TMEM116: variants seen among roughly 807,000 people sequenced by gnomAD.
TMEM116 encodes transmembrane protein 116.
A neutral mutation model predicts 44.3 loss-of-function variants in TMEM116; 38 were observed. The observed-to-expected ratio is 0.86, with a 90% CI of 0.66 to 1.12. The LOEUF is 1.12. Among genes scored for constraint, TMEM116 ranks in the 50% most tolerant of loss-of-function variants. The pLI is 0.00. For synonymous variants in TMEM116, 132 were observed against 144.8 expected, an observed-to-expected ratio of 0.91 and a Z score of 0.64; for missense variants, 354 against 401.7, an observed-to-expected ratio of 0.88 and a Z score of 1.01.
chr12:111,969,223 G>A (rs904972868), intron 4 of TMEM116, among the ~76,000 whole-genome samples: 1 of 150,932 alleles, frequency 6.6e-6, no homozygotes, highest in Non-Finnish European at 1.5e-5. Flanking sequence ...GGGAGGCTGA[G>A]GCAGGAGAAT....
chr12:112,009,534 T>TC (rs1565981388), intron 1 of TMEM116, among the ~76,000 whole-genome samples: 89 of 135,628 alleles, frequency 6.6e-4, no homozygotes, highest in African/African-American at 2.7e-3. Context: ...ATGGGTTTAC[T>TC]TAAAAAAAAA....
Position 111,937,177 on chromosome 12 carries a change from G to A in TMEM116, c.432C>T (p.Asn144=). ...CLGNTSECFQ[N]FSQSHKCILM... is the part of the protein sequence containing the mutation. ...TTACTTACTTGTGGCTCTGACTGAA[G>A]TTTTGGAAACATTCACTAGTATTTC... The change falls in exon 7 of 11, where the codon AAC becomes AAT. Residue 144 remains asparagine, a synonymous_variant. Transcript: ENST00000552374. The A allele has an allele frequency of 6.2e-7, 1 of 1,613,682 alleles. No individual in the cohort carries two copies. Among genetic ancestry groups the A allele is most frequent in the Non-Finnish European group, 8.5e-7 (1 of 1,179,688 alleles).
Position 111,941,491 on chromosome 12 carries a change from A to G in TMEM116, c.315+1774T>C, listed in dbSNP as rs11066096. On this transcript the variant is annotated intron_variant, in intron 5 of 10. Coordinates refer to ENST00000552374, the MANE Select transcript of TMEM116 (RefSeq NM_001193531.2). ...ATAGTAGCTGCATGTGGCTAATTAA[A>G]TTAAAATTAATTAAAATTAAATAAA... Among the ~76,000 whole-genome samples the G allele has an allele frequency of 0.055, 8,425 of 152,240 alleles. 1,296 individuals carry two copies. In the East Asian group the frequency reaches 0.61, roughly 11 times the overall value.
At chr12:112,009,203 T>C (rs377027380) in intron 1 of TMEM116, among the ~76,000 whole-genome samples, 12 of 152,196 alleles carry the variant, frequency 7.9e-5, no homozygotes, top group African/African-American at 1.9e-4. Context: ...AAGAAGGAAC[T>C]GAAGATAAAG....
At chr12:111,943,610 C>T (rs2073035036) in intron 4 of TMEM116, among the ~76,000 whole-genome samples, 1 of 152,204 alleles carries the variant, frequency 6.6e-6, no homozygotes, top group Non-Finnish European at 1.5e-5. Flanking sequence ...TCTCGGCTCA[C>T]TGCAACCTCT....
At chr12:111,933,645 C>T (rs1480723737) in intron 9 of TMEM116, among the ~76,000 whole-genome samples, 4 of 147,848 alleles carry the variant, frequency 2.7e-5, no homozygotes, top group Admixed American at 6.7e-5. Context: ...CCTACCACCA[C>T]GCCCGGCTAA....
At chr12:111,994,918 T>C (rs2076845880) in intron 3 of TMEM116, among the ~76,000 whole-genome samples, 1 of 152,112 alleles carries the variant, frequency 6.6e-6, no homozygotes, top group South Asian at 2.1e-4. Context: ...GCCCCTCATG[T>C]GTCTATTTAT....
chr12:111,943,337 G>A lies in TMEM116; in HGVS notation c.243C>T (p.Val81=). ...IFYISSFLYT[V]NYIWYLYTEL... ...CTGTGTACAAATACCAGATGTAATT[G>A]ACGGTGTAGAGAAATGAGGAAATGT... The change falls in exon 5 of 11, where the codon GTC becomes GTT. Residue 81 remains valine, a synonymous_variant. Coordinates refer to ENST00000552374, the MANE Select transcript of TMEM116 (RefSeq NM_001193531.2). 1 of 1,613,980 alleles carries A rather than the reference G, an allele frequency of 6.2e-7. No individual in the cohort carries two copies. Among genetic ancestry groups the A allele is most frequent in the Non-Finnish European group, 8.5e-7 (1 of 1,179,890 alleles).
intron 9 of TMEM116, among the ~76,000 whole-genome samples, chr12:111,933,134 G>A (rs1438932725): frequency 5.3e-5 from 8 of 151,818 alleles, no homozygotes; most frequent in South Asian, 2.1e-4. Flanking sequence ...CCAGCTACTC[G>A]GGAGGCTGAG....
At chr12:111,932,722 C>T in intron 9 of TMEM116, 63 bp from the exon 10 acceptor site, 1 of 1,266,612 alleles carries the variant, frequency 7.9e-7, no homozygotes, top group Non-Finnish European at 1.2e-6. Flanking sequence ...TCAGGTTCCT[C>T]CACACACGTC....
intron 4 of TMEM116, among the ~76,000 whole-genome samples, chr12:111,971,249 G>GT (rs1171800682): frequency 6.6e-6 from 1 of 152,030 alleles, no homozygotes; most frequent in Non-Finnish European, 1.5e-5. Flanking sequence ...TATAAAGTAT[G>GT]TTTTTTTCTT....
intron 9 of TMEM116, among the ~76,000 whole-genome samples, chr12:111,933,178 T>C (rs1393904795): frequency 6.6e-6 from 1 of 151,184 alleles, no homozygotes; most frequent in South Asian, 2.1e-4. Flanking sequence ...GAGGCAGAGG[T>C]TGTAGTGAGC....
intron 4 of TMEM116, among the ~76,000 whole-genome samples, chr12:111,972,783 G>T (rs1205758511): frequency 3.9e-5 from 6 of 152,088 alleles, no homozygotes; most frequent in Admixed American, 3.9e-4. Context: ...GGAGGCTGAG[G>T]TAGAATTGCT....
chr12:112,001,241 G>T (rs1263012939), intron 3 of TMEM116, among the ~76,000 whole-genome samples: 1 of 152,192 alleles, frequency 6.6e-6, no homozygotes, highest in Non-Finnish European at 1.5e-5. Flanking sequence ...TGTTATGCCA[G>T]AAAGTCACCT....
intron 1 of TMEM116, chr12:112,012,007 G>C (rs535424000): frequency 6.6e-6 from 1 of 152,140 alleles, no homozygotes; most frequent in Non-Finnish European, 1.5e-5. Flanking sequence ...AGACCCTTTC[G>C]AATCCGCCCC....
chr12:111,945,411 A>G (rs1336427576), intron 4 of TMEM116, among the ~76,000 whole-genome samples: 1 of 151,578 alleles, frequency 6.6e-6, no homozygotes, highest in Non-Finnish European at 1.5e-5. Context: ...AGTAGAGGGA[A>G]CCAGGATGTC....
At chr12:111,972,697 G>A (rs2075419467) in intron 4 of TMEM116, among the ~76,000 whole-genome samples, 1 of 152,000 alleles carries the variant, frequency 6.6e-6, no homozygotes, top group South Asian at 2.1e-4. Context: ...TAGCCAAAAT[G>A]GTGAAACCCC....
chr12:111,936,340 TAAATC>T (rs1391755263), intron 8 of TMEM116: 1 of 166,298 alleles, frequency 6.0e-6, no homozygotes. Context: ...TTTGGAAAAT[TAAATC>T]AAAGCATATG....
chr12:111,943,360 T>C lies in TMEM116; in HGVS notation c.220A>G (p.Ile74Val). The change falls in exon 5 of 11, where the codon ATT (isoleucine) becomes GTT (valine). Residue 74 changes from isoleucine (I) to valine (V), a missense_variant. Ile to Val is a conservative substitution (Grantham distance 29, BLOSUM62 3). Transcript: ENST00000552374. ...TTGACGGTGTAGAGAAATGAGGAAA[T>C]GTAGAATATCTAGGTTAAAATCAAA... Reference protein sequence around the residue: ...NLQAVGQIFYISSFLYTVNYI... With the variant: ...NLQAVGQIFYVSSFLYTVNYI... The C allele has an allele frequency of 1.2e-6, 2 of 1,612,492 alleles. No homozygotes were observed. Among genetic ancestry groups the C allele is most frequent in the Non-Finnish European group, 1.7e-6 (2 of 1,178,608 alleles).
Sources: gnomAD v4.1 joint callset for allele counts (sites outside exome capture counted in the v4.1 genomes callset) on GRCh38, gnomAD v4.1.1 for gene constraint, MANE v1.5 for transcripts, NCBI Gene and HGNC (gene_info 2026-07-23, HGNC 2026-07-21) for gene names.